Variants in EPM2A observed in about 807,000 individuals in gnomAD.
The protein encoded by EPM2A is EPM2A glucan phosphatase, laforin, also known as laforin.
Under a neutral mutation model 26.5 loss-of-function variants are expected in EPM2A, and 21 were observed. That is an observed-to-expected ratio of 0.79 (90% confidence interval 0.56 to 1.14). EPM2A has a LOEUF of 1.14. Ranked by LOEUF, EPM2A falls within the 50% of genes most tolerant of loss-of-function variation. EPM2A has a pLI of 0.00. For synonymous variants in EPM2A, 217 were observed against 177.6 expected (o/e 1.22, Z -1.76); for missense variants, 458 against 440.8 (o/e 1.04, Z -0.35).
At chr6:145,465,033 T>A (rs931528146) in intron 4 of EPM2A, among the ~76,000 whole-genome samples, 37 of 151,982 alleles carry the variant, frequency 2.4e-4, no homozygotes, top group African/African-American at 8.2e-4. Context: ...CCTTGCTAGA[T>A]TGGGGAATTT....
At chr6:145,419,503 G>A (rs943362039) in intron 4 of EPM2A, among the ~76,000 whole-genome samples, 7 of 152,284 alleles carry the variant, frequency 4.6e-5, no homozygotes, top group African/African-American at 1.7e-4. Flanking sequence ...GATGTGAATT[G>A]CCTTAAATAT....
At chr6:145,623,203 A>G (rs1345442727), downstream of EPM2A, among the ~76,000 whole-genome samples, 4 of 152,258 alleles carry the variant, frequency 2.6e-5, no homozygotes, top group East Asian at 5.8e-4. Flanking sequence ...TTTATAATGC[A>G]GTGAAGCTTA....
intron 2 of EPM2A, among the ~76,000 whole-genome samples, chr6:145,661,337 T>C (rs889583598): frequency 2.0e-5 from 3 of 152,238 alleles, no homozygotes; most frequent in Non-Finnish European, 2.9e-5. Context: ...TTTTCTACTT[T>C]TGAATTTTTC....
intron 2 of EPM2A, among the ~76,000 whole-genome samples, chr6:145,593,869 A>G (rs561501091): frequency 3.3e-5 from 5 of 152,072 alleles, no homozygotes; most frequent in African/African-American, 1.2e-4. Context: ...CAGAGAAAGA[A>G]GAATGATTTA....
chr6:145,671,056 G>A (rs1402678497), intron 2 of EPM2A: 3 of 984,916 alleles, frequency 3.0e-6, no homozygotes, highest in African/African-American at 1.7e-5. Context: ...GTCTATCTTT[G>A]CCCAGTAATG....
intron 2 of EPM2A, among the ~76,000 whole-genome samples, chr6:145,618,051 G>T (rs1289842175): frequency 1.3e-5 from 2 of 152,174 alleles, no homozygotes; most frequent in Admixed American, 6.5e-5. Context: ...AAGCCTGTTT[G>T]CCAAGCACTG....
chr6:145,418,456 C>T (rs1248504302), intron 4 of EPM2A, among the ~76,000 whole-genome samples: 1 of 152,208 alleles, frequency 6.6e-6, no homozygotes, highest in African/African-American at 2.4e-5. Context: ...AGAATCTCTG[C>T]TGTGACCACT....
At chr6:145,568,037 T>C (rs1780906622) in intron 2 of EPM2A, among the ~76,000 whole-genome samples, 1 of 152,214 alleles carries the variant, frequency 6.6e-6, no homozygotes, top group Non-Finnish European at 1.5e-5. Context: ...CATCAAGAAT[T>C]TGACAGCATG....
At chr6:145,505,778 T>G (rs970119918) in intron 2 of EPM2A, among the ~76,000 whole-genome samples, 1 of 152,206 alleles carries the variant, frequency 6.6e-6, no homozygotes. Flanking sequence ...ATTTTCTTAA[T>G]AAAAATTATA....
At chr6:145,513,158 C>T (rs2114765143) in intron 2 of EPM2A, among the ~76,000 whole-genome samples, 1 of 151,820 alleles carries the variant, frequency 6.6e-6, no homozygotes, top group Admixed American at 6.6e-5. Context: ...ATTATGCCTC[C>T]AACAAAGGAT....
chr6:145,401,323 C>G (rs1778483160), intron 4 of EPM2A, among the ~76,000 whole-genome samples: 2 of 152,222 alleles, frequency 1.3e-5, no homozygotes, highest in South Asian at 4.1e-4. Context: ...TCTATTTTCA[C>G]CTTAGCAAGA....
At chr6:145,552,839 G>A (rs1183884544) in intron 2 of EPM2A, among the ~76,000 whole-genome samples, 1 of 152,028 alleles carries the variant, frequency 6.6e-6, no homozygotes, top group Non-Finnish European at 1.5e-5. Flanking sequence ...TCCTCAAAAA[G>A]ATTTGTTAAT....
intron 4 of EPM2A, among the ~76,000 whole-genome samples, chr6:145,451,748 G>T (rs546145810): frequency 1.3e-3 from 199 of 152,030 alleles, no homozygotes; most frequent in African/African-American, 4.6e-3. Flanking sequence ...CTAGTATTGG[G>T]TTTATTTTTT....
At chr6:145,435,422 T>C (rs1026792494) in intron 4 of EPM2A, among the ~76,000 whole-genome samples, 1 of 149,266 alleles carries the variant, frequency 6.7e-6, no homozygotes, top group Admixed American at 6.7e-5. Context: ...TATATATATA[T>C]ATATATATAT....
intron 2 of EPM2A, among the ~76,000 whole-genome samples, chr6:145,524,497 T>C (rs2114777091): frequency 6.6e-6 from 1 of 152,298 alleles, no homozygotes; most frequent in Admixed American, 6.5e-5. Flanking sequence ...CATCTCATTA[T>C]AGTTTTGATT....
At chr6:145,438,641 T>C (rs183658078) in intron 4 of EPM2A, among the ~76,000 whole-genome samples, 2 of 151,940 alleles carry the variant, frequency 1.3e-5, no homozygotes, top group Admixed American at 6.6e-5. Context: ...ACCCAGCTAA[T>C]TTTTGTATTT....
At chr6:145,463,223 T>G (rs1250122053) in intron 4 of EPM2A, 2 of 152,066 alleles carry the variant, frequency 1.3e-5, no homozygotes, top group African/African-American at 4.8e-5. Flanking sequence ...TTGTTTTTAC[T>G]TTTTAATTTC....
chr6:145,387,181 A>C (rs759718946), intron 4 of EPM2A, among the ~76,000 whole-genome samples: 2 of 152,156 alleles, frequency 1.3e-5, no homozygotes, highest in Non-Finnish European at 2.9e-5. Context: ...TTTTCAACAG[A>C]GATAGCTTTG....
At chr6:145,535,381 C>T (rs1328428559) in intron 2 of EPM2A, among the ~76,000 whole-genome samples, 1 of 152,224 alleles carries the variant, frequency 6.6e-6, no homozygotes, top group Non-Finnish European at 1.5e-5. Flanking sequence ...ACATTGCAAT[C>T]ACCTGGGGAG....
Sources: gnomAD v4.1 joint callset for allele counts (sites outside exome capture counted in the v4.1 genomes callset) on GRCh38, gnomAD v4.1.1 for gene constraint, MANE v1.5 for transcripts, NCBI Gene and HGNC (gene_info 2026-07-23, HGNC 2026-07-21) for gene names.